Variants in HERPUD2 observed in about 807,000 individuals in gnomAD.
HERPUD2 encodes homocysteine-responsive endoplasmic reticulum-resident ubiquitin-like domain member 2 protein.
A neutral mutation model predicts 49.9 loss-of-function variants in HERPUD2; 13 were observed. That is an observed-to-expected ratio of 0.26 (90% confidence interval 0.17 to 0.41). The LOEUF (loss-of-function observed/expected upper bound fraction) is 0.41. Ranked by LOEUF, HERPUD2 falls within the 10% of genes least tolerant of loss-of-function variation. HERPUD2 has a pLI of 1.00. For missense variants in HERPUD2, 449 were observed against 492.2 expected, an observed-to-expected ratio of 0.91 and a Z score of 0.83; for synonymous variants, 172 against 171.4, an observed-to-expected ratio of 1.00 and a Z score of -0.03.
At chr7:35,645,853 T>C (rs1213646339) in intron 5 of HERPUD2, among the ~76,000 whole-genome samples, 1 of 152,198 alleles carries the variant, frequency 6.6e-6, no homozygotes. Context: ...CAGCTAATAA[T>C]GGTTGCCTCT....
chr7:35,676,770 T>G (rs114658697), intron 2 of HERPUD2, among the ~76,000 whole-genome samples: 1 of 152,368 alleles, frequency 6.6e-6, no homozygotes, highest in Middle Eastern at 3.4e-3. Flanking sequence ...AAAATCTTTC[T>G]TGCTAATGAC....
At chr7:35,656,814 CAGA>C (rs1460170548) in intron 5 of HERPUD2, among the ~76,000 whole-genome samples, 7 of 152,130 alleles carry the variant, frequency 4.6e-5, no homozygotes, top group African/African-American at 1.7e-4. Flanking sequence ...TAGCCATATG[CAGA>C]AGAATAAAAC....
rs573193779 is a variant in HERPUD2 at position 35,665,826 on chromosome 7, G to A, written c.494+1608C>T. On this transcript the variant is annotated intron_variant, in intron 5 of 8. Coordinates refer to ENST00000311350, the MANE Select transcript of HERPUD2 (RefSeq NM_022373.5). ...GTTTATTAATTTTCTCAATAGCCTA[G>A]TTTAGAGAAATTATTAATCTTTTAC... 3.0e-4 allele frequency among the ~76,000 whole-genome samples: 46 copies of A among 152,292 alleles called. No homozygotes were observed. The South Asian group carries it at 9.1e-3, about 30-fold the overall frequency.
intron 5 of HERPUD2, among the ~76,000 whole-genome samples, chr7:35,653,919 C>A (rs1785221607): frequency 6.6e-6 from 1 of 152,074 alleles, no homozygotes; most frequent in Non-Finnish European, 1.5e-5. Context: ...AGGACTGTTT[C>A]AGCCCAGGAG....
chr7:35,682,605 G>A (rs1185209317), intron 2 of HERPUD2, among the ~76,000 whole-genome samples: 14 of 151,196 alleles, frequency 9.3e-5, no homozygotes, highest in African/African-American at 3.4e-4. Context: ...CATCCAAATC[G>A]GTAAAGAGGA....
intron 5 of HERPUD2, among the ~76,000 whole-genome samples, chr7:35,647,372 A>G (rs1387392155): frequency 6.6e-6 from 1 of 152,160 alleles, no homozygotes. Context: ...AGGCCATGAC[A>G]GCCCATCAGC....
rs10228691 is a variant in HERPUD2 at position 35,689,677 on chromosome 7, T to C, written c.147+4507A>G. 2.7e-3 allele frequency among the ~76,000 whole-genome samples: 410 copies of C among 152,308 alleles called. 4 individuals are homozygous for C. The highest frequency in any genetic ancestry group is 3.7e-3 in the Admixed American group (56 of 15,290). On this transcript the variant is annotated intron_variant, in intron 2 of 8. Coordinates refer to ENST00000311350, the MANE Select transcript of HERPUD2 (RefSeq NM_022373.5). ...TAGAATCTGAGAGTAAAGGAACAGTTTGAAAAAACAGCACAAACCTGCTTA... is the reference window on the plus strand; with the variant it reads ...TAGAATCTGAGAGTAAAGGAACAGTCTGAAAAAACAGCACAAACCTGCTTA...
intron 2 of HERPUD2, among the ~76,000 whole-genome samples, chr7:35,680,020 C>G (rs1276522455): frequency 6.6e-6 from 1 of 152,202 alleles, no homozygotes; most frequent in East Asian, 1.9e-4. Context: ...TTACCCTAAT[C>G]TAAACCATCG....
intron 2 of HERPUD2, 144 bp downstream of exon 2, chr7:35,694,040 C>T: frequency 1.3e-6 from 1 of 777,382 alleles, no homozygotes; most frequent in South Asian, 1.6e-5. Context: ...TCAGGAGACA[C>T]AACCTCAGAA....
Position 35,633,850 on chromosome 7 carries a change from T to G in HERPUD2, c.1061A>C (p.Glu354Ala), listed in dbSNP as rs145238453. The G allele has an allele frequency of 1.9e-6, 3 of 1,612,120 alleles. No individual in the cohort carries two copies. The highest frequency in any genetic ancestry group is 1.3e-5 in the African/African-American group (1 of 74,812). ...NANNLELEEMERLMDDGLEDE... is the reference protein window; with the variant it reads ...NANNLELEEMARLMDDGLEDE... Reference sequence around the variant, plus strand: ...TTCAAGCCCATCATCCATAAGACGCTCCTTTCAAGCAAAACAAGAAAGATA... The same window carrying G: ...TTCAAGCCCATCATCCATAAGACGCGCCTTTCAAGCAAAACAAGAAAGATA... The change falls in exon 9 of 9, where the codon GAG becomes GCG. Residue 354 changes from glutamate to alanine, a missense_variant and splice_region_variant. Glu to Ala is a moderately radical substitution (Grantham distance 107). Transcript: ENST00000311350.
At chr7:35,643,582 A>G (rs935159549) in intron 5 of HERPUD2, among the ~76,000 whole-genome samples, 5 of 152,048 alleles carry the variant, frequency 3.3e-5, no homozygotes, top group African/African-American at 1.2e-4. Context: ...ATGAGGATAT[A>G]TTTATATGTG....
At chr7:35,645,429 TA>T (rs1253299107) in intron 5 of HERPUD2, among the ~76,000 whole-genome samples, 7 of 151,882 alleles carry the variant, frequency 4.6e-5, no homozygotes, top group Non-Finnish European at 8.8e-5. Context: ...AAAATAAAAA[TA>T]AAAACTAAAA....
rs182784027 is a variant in HERPUD2 at position 35,679,088 on chromosome 7, T to C, written c.148-5810A>G. ...CTTCAAAAGCCAAAGCTTGGAAAAC[T>C]TTGCAATGCAATACAAGTTAAATAA... On this transcript the variant is annotated intron_variant, in intron 2 of 8. Transcript: ENST00000311350. Among the ~76,000 whole-genome samples the C allele has an allele frequency of 1.6e-4, 24 of 152,256 alleles. No homozygotes were observed. In the East Asian group the frequency reaches 3.9e-3, roughly 24 times the overall value.
intron 5 of HERPUD2, among the ~76,000 whole-genome samples, chr7:35,662,122 T>C (rs1409044825): frequency 1.3e-5 from 2 of 152,224 alleles, no homozygotes; most frequent in Non-Finnish European, 1.5e-5. Context: ...TCTGCATCTA[T>C]TGAGATAATC....
intron 2 of HERPUD2, 71 bp downstream of exon 2, chr7:35,694,113 A>T: frequency 6.6e-7 from 1 of 1,519,986 alleles, no homozygotes; most frequent in Non-Finnish European, 9.1e-7. Flanking sequence ...GGGGAGAAGC[A>T]GGAAAAAGGA....
chr7:35,668,789 A>T (rs1162196369), intron 4 of HERPUD2, among the ~76,000 whole-genome samples: 1 of 152,208 alleles, frequency 6.6e-6, no homozygotes, highest in African/African-American at 2.4e-5. Context: ...TAAATGGGCC[A>T]TCATAATACG....
At chr7:35,689,720 G>T (rs1193859762) in intron 2 of HERPUD2, among the ~76,000 whole-genome samples, 1 of 152,200 alleles carries the variant, frequency 6.6e-6, no homozygotes, top group African/African-American at 2.4e-5. Flanking sequence ...AGGAGAGGTA[G>T]ATAAGAAAAT....
chr7:35,632,813 G>A lies in HERPUD2; in HGVS notation c.*877C>T, dbSNP rs1397887781. The A allele has an allele frequency of 1.3e-5, 2 of 152,262 alleles. No individual in the cohort carries two copies. The highest frequency in any genetic ancestry group is 2.9e-5 in the Non-Finnish European group (2 of 67,978). The allele number at this position is 152,262 out of a possible 1,614,324, so 9.4% of individuals were successfully genotyped here. ...GTTAAGGTACTGATTCCAATTGATG[G>A]GATACATGCCCTTAATACAGAAAGT... On this transcript the variant is annotated 3_prime_UTR_variant, in exon 9 of 9. Transcript: ENST00000311350.
At chr7:35,636,811 C>G (rs1013398565) in intron 6 of HERPUD2, among the ~76,000 whole-genome samples, 1 of 152,102 alleles carries the variant, frequency 6.6e-6, no homozygotes, top group African/African-American at 2.4e-5. Flanking sequence ...GCAGGAATGA[C>G]TGACTTAATT....
Sources: gnomAD v4.1 joint callset for allele counts (sites outside exome capture counted in the v4.1 genomes callset) on GRCh38, gnomAD v4.1.1 for gene constraint, MANE v1.5 for transcripts, NCBI Gene and HGNC (gene_info 2026-07-23, HGNC 2026-07-21) for gene names.